The following CEP250 variants were observed in gnomAD, a reference collection of about 807,000 sequenced individuals.
CEP250 encodes the protein centrosomal protein 250.
In CEP250, 242 loss-of-function variants were observed where a neutral mutation model predicts 315.7. The ratio of observed to expected loss-of-function variants is 0.77; its 90% CI spans 0.69 to 0.85. CEP250 has a LOEUF of 0.85. Among genes scored for constraint, CEP250 ranks in the 40% least tolerant of loss-of-function variants. The pLI, the probability that CEP250 is intolerant of heterozygous loss-of-function variation, is 0.00. For missense variants in CEP250, 2,515 were observed against 2,886.4 expected (o/e 0.87, Z 2.95); for synonymous variants, 1,088 against 1,175.0 (o/e 0.93, Z 1.51).
chr20:35,495,307 T>C (rs573032388), intron 24 of CEP250, among the ~76,000 whole-genome samples: 2 of 152,364 alleles, frequency 1.3e-5, no homozygotes, highest in East Asian at 3.9e-4. Flanking sequence ...GTTCGTAGTT[T>C]GAGTTTCATA....
rs781264713 is a variant in CEP250 at position 35,504,653 on chromosome 20, G to A, written c.6284G>A (p.Ser2095Asn). The part of the protein sequence containing the change: ...EEEEIRGLHQ[S>N]VRELQLTLAQ... ...GAGGAGATAAGGGGCCTTCATCAGA[G>A]TGTAAGGGAGCTACAGCTGACTCTA... Residue 2095 changes from serine (S) to asparagine (N), a missense_variant, in exon 30 of 35, where the codon AGT (serine) becomes AAT (asparagine). Physicochemically the swap from Ser to Asn is conservative, Grantham distance 46 (BLOSUM62 1). Coordinates refer to ENST00000397527, the MANE Select transcript of CEP250 (RefSeq NM_007186.6). 1 of 1,614,152 alleles carries A rather than the reference G, an allele frequency of 6.2e-7. No homozygotes were observed. Among genetic ancestry groups the A allele is most frequent in the Non-Finnish European group, 8.5e-7 (1 of 1,179,996 alleles).
intron 5 of CEP250, 35 bp downstream of exon 5, chr20:35,463,666 C>A (rs1212473919): frequency 1.9e-6 from 3 of 1,566,204 alleles, no homozygotes; most frequent in South Asian, 1.2e-5. Context: ...CCCCCTGGGT[C>A]CTCAGTGAAT....
Position 35,514,224 on chromosome 20 carries a change from C to T in CEP250, c.*2598C>T, listed in dbSNP as rs905003955. The stretch of plus-strand genomic sequence containing the variant: ...CTTGTCACATGTGGCAGGGTATAAC[C>T]AGAATGGTGAATCCAGCAGACGGGA... On this transcript the variant is annotated 3_prime_UTR_variant, in exon 35 of 35. Coordinates refer to ENST00000397527, the MANE Select transcript of CEP250 (RefSeq NM_007186.6). 1.3e-5 allele frequency: 2 copies of T among 152,260 alleles called. No homozygotes were observed. Among genetic ancestry groups the T allele is most frequent in the African/African-American group, 4.8e-5 (2 of 41,466 alleles). The allele number at this position is 152,260 out of a possible 1,614,324, so 9.4% of individuals were successfully genotyped here. A position where few individuals can be genotyped will look rare whatever the true frequency, so the allele number is the denominator to read the frequency against.
chr20:35,486,058 C>T (rs2063504778), intron 20 of CEP250, among the ~76,000 whole-genome samples: 1 of 142,002 alleles, frequency 7.0e-6, no homozygotes, highest in South Asian at 2.2e-4. Flanking sequence ...TTTTGAGACA[C>T]AGTCTTGCTC....
intron 34 of CEP250, among the ~76,000 whole-genome samples, chr20:35,510,770 G>C (rs780934302): frequency 1.3e-5 from 2 of 152,144 alleles, no homozygotes; most frequent in African/African-American, 4.8e-5. Flanking sequence ...CAAGGTGGGC[G>C]GATCGCTTGA....
intron 30 of CEP250, 43 bp from the exon 31 acceptor site, chr20:35,507,678 GGGTTGGTCTGGATATGA>G: frequency 7.8e-7 from 1 of 1,279,782 alleles, no homozygotes; most frequent in Non-Finnish European, 1.1e-6. Context: ...TGTGGAGGAT[GGGTTGGTCTGGATATGA>G]GGTTGGCAAG....
In CEP250 at chr20:35,516,568, G is replaced by A. The variant is rs2147265912; in HGVS notation, c.*4942G>A. 6.6e-6 allele frequency: 1 copy of A among 152,372 alleles called. No individual in the cohort carries two copies. Among genetic ancestry groups the A allele is most frequent in the East Asian group, 1.9e-4 (1 of 5,194 alleles). 9.4% of individuals were successfully genotyped at this position (152,372 alleles called of 1,614,324 possible). A position where few individuals can be genotyped will look rare whatever the true frequency, so the allele number is the denominator to read the frequency against. ...CCTGACTCCATTACCTGGTGAATGAGATTGGCTAGCTGCTGCTCCTGCCCC... is the reference window on the plus strand; with the variant it reads ...CCTGACTCCATTACCTGGTGAATGAAATTGGCTAGCTGCTGCTCCTGCCCC... On this transcript the variant is annotated 3_prime_UTR_variant, in exon 35 of 35. Coordinates refer to ENST00000397527, the MANE Select transcript of CEP250 (RefSeq NM_007186.6).
intron 20 of CEP250, among the ~76,000 whole-genome samples, chr20:35,487,718 A>G (rs185772165): frequency 2.2e-4 from 33 of 152,266 alleles, no homozygotes; most frequent in Non-Finnish European, 4.3e-4. Flanking sequence ...AAGGATCGCT[A>G]GAGGCCAGGA....
Position 35,493,443 on chromosome 20 carries a change from A to G in CEP250, c.2904A>G (p.Ile968Met). 6.2e-7 allele frequency: 1 copy of G among 1,602,280 alleles called. No homozygotes were observed. The highest frequency in any genetic ancestry group is 8.5e-7 in the Non-Finnish European group (1 of 1,174,938). Reference sequence around the variant, plus strand: ...TCCCTCTTCAGGAGACCACTGGGATACTACAGACCCAGCTCCAGGAGGCTC... The same window carrying G: ...TCCCTCTTCAGGAGACCACTGGGATGCTACAGACCCAGCTCCAGGAGGCTC... ...QKLKEQETTG[I>M]LQTQLQEAQR... The change falls in exon 23 of 35, where the codon ATA (isoleucine) becomes ATG (methionine). Residue 968 changes from isoleucine (I) to methionine (M), a missense_variant. Ile to Met is a conservative substitution (Grantham distance 10). Transcript: ENST00000397527.
At position 35,508,194 on chromosome 20, in the gene CEP250, AC is replaced by A. The variant is rs781357090; in HGVS notation, c.6906+8del. On this transcript the variant is annotated splice_donor_5th_base_variant and intron_variant, in intron 32 of 34. Transcript: ENST00000397527. The stretch of plus-strand genomic sequence containing the variant: ...GCTGCGGAGTACCTTGGAGCAGGTG[AC>A]CCCTCTTCTTGTCCAGTGGGCATGC... 1.2e-6 allele frequency: 2 copies of A among 1,612,292 alleles called. No individual in the cohort carries two copies. The highest frequency in any genetic ancestry group is 1.7e-6 in the Non-Finnish European group (2 of 1,179,346).
rs896248262 is a variant in CEP250, at chr20:35,515,404, G to A, written c.*3778G>A. The A allele has an allele frequency of 7.2e-5, 11 of 152,300 alleles. No individual in the cohort carries two copies. Among genetic ancestry groups the A allele is most frequent in the African/African-American group, 2.4e-4 (10 of 41,474 alleles). 9.4% of individuals were successfully genotyped at this position (152,300 alleles called of 1,614,324 possible). A position where few individuals can be genotyped will look rare whatever the true frequency, so the allele number is the denominator to read the frequency against. On this transcript the variant is annotated 3_prime_UTR_variant, in exon 35 of 35. Coordinates refer to ENST00000397527, the MANE Select transcript of CEP250 (RefSeq NM_007186.6). ...TCTGAAGTGCTGATCAAACCAGGCA[G>A]ACACACCATGCTGGTGAAGGCAGGC...
At chr20:35,458,424 T>G (rs1459604339) in intron 2 of CEP250, 50 bp downstream of exon 2, 1 of 152,212 alleles carries the variant, frequency 6.6e-6, no homozygotes, top group African/African-American at 2.4e-5. Flanking sequence ...TGATACTGAG[T>G]TGAAATTCAT....
At chr20:35,457,478 C>G (rs1340356342) in intron 1 of CEP250, among the ~76,000 whole-genome samples, 1 of 152,038 alleles carries the variant, frequency 6.6e-6, no homozygotes, top group East Asian at 1.9e-4. Flanking sequence ...GCCCTCCCAC[C>G]TTAACTTCCC....
At chr20:35,498,317 T>C (rs1273260107) in intron 26 of CEP250, among the ~76,000 whole-genome samples, 1 of 152,246 alleles carries the variant, frequency 6.6e-6, no homozygotes, top group Non-Finnish European at 1.5e-5. Flanking sequence ...ATTTACCTTA[T>C]AATTTCACCA....
At chr20:35,457,100 A>G (rs1568745827) in intron 1 of CEP250, among the ~76,000 whole-genome samples, 1 of 152,028 alleles carries the variant, frequency 6.6e-6, no homozygotes, top group Non-Finnish European at 1.5e-5. Flanking sequence ...TGCTTTTTAT[A>G]TAGGTAATAG....
intron 20 of CEP250, among the ~76,000 whole-genome samples, chr20:35,480,843 C>T (rs984028755): frequency 6.6e-6 from 1 of 152,012 alleles, no homozygotes; most frequent in Non-Finnish European, 1.5e-5. Context: ...CTGCCTCAGC[C>T]TCCTAAAGTG....
At chr20:35,456,553 C>A (rs577308129) in intron 1 of CEP250, among the ~76,000 whole-genome samples, 70 of 152,328 alleles carry the variant, frequency 4.6e-4, no homozygotes, top group Non-Finnish European at 9.1e-4. Context: ...TTTAGTTCTT[C>A]TATCTTTCTT....
intron 26 of CEP250, 28 bp from the exon 27 acceptor site, chr20:35,498,567 G>A (rs2063912766): frequency 6.2e-7 from 1 of 1,604,348 alleles, no homozygotes; most frequent in African/African-American, 1.3e-5. Flanking sequence ...GTGGCAGCCA[G>A]GTAAGGAGGT....
chr20:35,508,082 G>A lies in CEP250; in HGVS notation c.6798G>A (p.Gln2266=), dbSNP rs145765975. ...AEPSPDGMEK[Q]SWRQRLEHLQ... Reference sequence around the variant, plus strand: ...CTAGTCCTGATGGAATGGAGAAGCAGTCATGGAGACAAAGGCTTGAACACC... The same window carrying A: ...CTAGTCCTGATGGAATGGAGAAGCAATCATGGAGACAAAGGCTTGAACACC... Residue 2266 remains glutamine, a synonymous_variant, in exon 32 of 35, where the codon CAG becomes CAA. Coordinates refer to ENST00000397527, the MANE Select transcript of CEP250 (RefSeq NM_007186.6). 3 of 1,614,198 alleles carry A rather than the reference G, an allele frequency of 1.9e-6. No homozygotes were observed. The highest frequency in any genetic ancestry group is 1.7e-6 in the Non-Finnish European group (2 of 1,180,030).
Sources: allele counts gnomAD v4.1 joint callset (sites outside exome capture counted in the v4.1 genomes callset), GRCh38; gene constraint gnomAD v4.1.1; transcripts MANE v1.5; gene names NCBI Gene and HGNC (gene_info 2026-07-23, HGNC 2026-07-21).